The following TRAPPC6A variants were observed in gnomAD, a reference collection of about 807,000 sequenced individuals.
TRAPPC6A encodes the protein TRAPP complex subunit 6A.
TRAPPC6A carries 25 observed loss-of-function variants against 20.8 expected under a neutral mutation model. That is an observed-to-expected ratio of 1.20 (90% CI 0.88 to 1.68). The LOEUF is 1.68. TRAPPC6A is among the 40% of genes most tolerant of loss of function. The pLI is 0.00. For missense variants in TRAPPC6A, 215 were observed against 211.6 expected (o/e 1.02, Z -0.10); for synonymous variants, 96 against 93.3 (o/e 1.03, Z -0.16).
At chr19:45,165,307 T>C in intron 1 of TRAPPC6A, 113 bp from the exon 2 acceptor site, 2 of 1,035,750 alleles carry the variant, frequency 1.9e-6, no homozygotes, top group South Asian at 1.4e-5. Flanking sequence ...GCTCGTCAGT[T>C]CAGGGGTGAG....
chr19:45,169,149 C>T (rs901169306), intron 1 of TRAPPC6A, among the ~76,000 whole-genome samples: 1 of 152,168 alleles, frequency 6.6e-6, no homozygotes, highest in Non-Finnish European at 1.5e-5. Context: ...GGAAGAGACC[C>T]CTGCCCGTGG....
intron 1 of TRAPPC6A, among the ~76,000 whole-genome samples, chr19:45,167,993 C>CTTTTTT (rs968943946): frequency 4.0e-5 from 4 of 99,972 alleles, no homozygotes; most frequent in Non-Finnish European, 5.9e-5. Flanking sequence ...AAGACCCTGT[C>CTTTTTT]TTTTTTTTTT....
At chr19:45,169,041 A>T (rs1969217736) in intron 1 of TRAPPC6A, among the ~76,000 whole-genome samples, 2 of 152,160 alleles carry the variant, frequency 1.3e-5, no homozygotes, top group South Asian at 2.1e-4. Flanking sequence ...GCTTTCCTCC[A>T]GTGTCCTCAG....
chr19:45,171,479 G>A (rs1213163165), intron 1 of TRAPPC6A, among the ~76,000 whole-genome samples: 1 of 152,218 alleles, frequency 6.6e-6, no homozygotes, highest in Non-Finnish European at 1.5e-5. Flanking sequence ...TGGAAGGGAA[G>A]TCTTATCAGT....
chr19:45,164,730 C>T (rs1003676966), intron 3 of TRAPPC6A, 123 bp downstream of exon 3: 20 of 869,830 alleles, frequency 2.3e-5, no homozygotes, highest in African/African-American at 9.9e-5. Context: ...GAGCTGCGGC[C>T]GCCTGTGGGA....
At chr19:45,169,713 G>C (rs961020858) in intron 1 of TRAPPC6A, among the ~76,000 whole-genome samples, 2 of 152,214 alleles carry the variant, frequency 1.3e-5, no homozygotes, top group African/African-American at 2.4e-5. Context: ...GCCCGGGCGA[G>C]AGCTCGCTGC....
chr19:45,173,142 CAG>C lies in TRAPPC6A; in HGVS notation c.84+4991_84+4992del, dbSNP rs1256046839. On this transcript the variant is annotated intron_variant, in intron 1 of 5. Coordinates refer to ENST00000585934, the MANE Select transcript of TRAPPC6A (RefSeq NM_001270891.2). This position sits in a 1 kb window ranked among gnomAD's most constrained non-coding sequence, Gnocchi z 4.8. ...GCCTTAGCTCTTTACTACATGCACT[CAG>C]GGGAATCCTCTCTTTGCCCAAAGGC... 6.6e-6 allele frequency among the ~76,000 whole-genome samples: 1 copy of C among 151,650 alleles called. No individual in the cohort carries two copies. The highest frequency in any genetic ancestry group is 1.5e-5 in the Non-Finnish European group (1 of 68,016).
chr19:45,168,490 G>A (rs543636865), intron 1 of TRAPPC6A, among the ~76,000 whole-genome samples: 6 of 152,230 alleles, frequency 3.9e-5, no homozygotes, highest in East Asian at 1.9e-4. Context: ...CTGGGCCCAC[G>A]GAGACCCGGG....
chr19:45,168,080 G>A (rs1969196358), intron 1 of TRAPPC6A, among the ~76,000 whole-genome samples: 3 of 137,824 alleles, frequency 2.2e-5, no homozygotes, highest in African/African-American at 8.3e-5. Context: ...TCGGCTCACT[G>A]CAAGCTCCGC....
intron 1 of TRAPPC6A, among the ~76,000 whole-genome samples, chr19:45,168,594 A>G (rs1969209013): frequency 6.6e-6 from 1 of 152,218 alleles, no homozygotes; most frequent in Admixed American, 6.5e-5. Context: ...ACCACCACCC[A>G]GACAATGGTC....
chr19:45,164,597 G>A lies in TRAPPC6A; in HGVS notation c.270+256C>T, dbSNP rs969541521. On this transcript the variant is annotated intron_variant, in intron 3 of 5. Coordinates refer to ENST00000585934, the MANE Select transcript of TRAPPC6A (RefSeq NM_001270891.2). ...GCAGCATCACACTGGGGGTAGGGCA[G>A]GCAGCCACCAGGGGCTTTCTGCCCA... 3.2e-5 allele frequency: 19 copies of A among 586,894 alleles called. No homozygotes were observed. The African/African-American group carries it at 3.4e-4, about 10-fold the overall frequency. The allele number at this position is 586,894 out of a possible 1,614,324, so 36.4% of individuals were successfully genotyped here.
intron 3 of TRAPPC6A, chr19:45,164,650 G>A: frequency 1.6e-6 from 1 of 606,788 alleles, no homozygotes; most frequent in Non-Finnish European, 2.9e-6. Context: ...GTAGGCTGGA[G>A]AAGTTCCGGA....
In TRAPPC6A at chr19:45,174,258, G is replaced by A. The variant is rs372580459; in HGVS notation, c.84+3877C>T. On this transcript the variant is annotated intron_variant, in intron 1 of 5. Coordinates refer to ENST00000585934, the MANE Select transcript of TRAPPC6A (RefSeq NM_001270891.2). Reference sequence around the variant, plus strand: ...GAAGATCAAATGAAATCAAGAGTGAGAAGCCATGAGTGCACACAGGAAGCA... The same window carrying A: ...GAAGATCAAATGAAATCAAGAGTGAAAAGCCATGAGTGCACACAGGAAGCA... Among the ~76,000 whole-genome samples, 30 of 152,264 alleles carry A rather than the reference G, an allele frequency of 2.0e-4. No homozygotes were observed. The South Asian group carries it at 5.6e-3, about 28-fold the overall frequency.
At chr19:45,177,101 C>T (rs1014196444) in intron 1 of TRAPPC6A, among the ~76,000 whole-genome samples, 1 of 152,182 alleles carries the variant, frequency 6.6e-6, no homozygotes, top group Admixed American at 6.5e-5. Flanking sequence ...GGGATGATCG[C>T]TTGAGCCCAG....
At chr19:45,168,826 G>A (rs1248728113) in intron 1 of TRAPPC6A, among the ~76,000 whole-genome samples, 1 of 152,190 alleles carries the variant, frequency 6.6e-6, no homozygotes, top group Non-Finnish European at 1.5e-5. Context: ...GTCCAGATAG[G>A]AGGGTGGGTG....
At position 45,163,215 on chromosome 19, in the gene TRAPPC6A, G is replaced by T; in HGVS notation, c.457C>A (p.Gln153Lys). ...GCTTAGGATTTCGGAATCACCACCTGGAACTTACCTGGAAGAGAAGGCCTG... is the reference window on the plus strand; with the variant it reads ...GCTTAGGATTTCGGAATCACCACCTTGAACTTACCTGGAAGAGAAGGCCTG... ...SVAALPVCKF[Q>K]VVIPKS Residue 153 changes from glutamine to lysine, a missense_variant, in exon 6 of 6, where the codon CAG (glutamine) becomes AAG (lysine). Coordinates refer to ENST00000585934, the MANE Select transcript of TRAPPC6A (RefSeq NM_001270891.2). This position sits in a 1 kb window ranked among gnomAD's most constrained non-coding sequence, Gnocchi z 5.3. 1 of 1,613,920 alleles carries T rather than the reference G, an allele frequency of 6.2e-7. No homozygotes were observed. Among genetic ancestry groups the T allele is most frequent in the Non-Finnish European group, 8.5e-7 (1 of 1,179,874 alleles).
At chr19:45,167,899 G>C (rs1421476943) in intron 1 of TRAPPC6A, among the ~76,000 whole-genome samples, 2 of 152,086 alleles carry the variant, frequency 1.3e-5, no homozygotes, top group African/African-American at 4.8e-5. Flanking sequence ...TTGGGAAGCT[G>C]AGGCAGGAGG....
Position 45,166,745 on chromosome 19 carries a change from C to A in TRAPPC6A, c.85-1551G>T, listed in dbSNP as rs963525563. Reference sequence around the variant, plus strand: ...CTCTCAGGAGCCTGCAGTCACCAGGCCTGAGCCCTGCAGCCCTCCCTCTCC... The same window carrying A: ...CTCTCAGGAGCCTGCAGTCACCAGGACTGAGCCCTGCAGCCCTCCCTCTCC... On this transcript the variant is annotated intron_variant, in intron 1 of 5. Coordinates refer to ENST00000585934, the MANE Select transcript of TRAPPC6A (RefSeq NM_001270891.2). Among the ~76,000 whole-genome samples, 3 of 152,130 alleles carry A rather than the reference C, an allele frequency of 2.0e-5. No individual in the cohort carries two copies. The East Asian group carries it at 5.8e-4, about 29-fold the overall frequency.
At position 45,163,991 on chromosome 19, in the gene TRAPPC6A, C is replaced by A; in HGVS notation, c.373G>T (p.Gly125Cys). ...GTATAGAGGGCGCCGCGCAGGAGGC[C>A]GCAGGTGAAGGCCAGGAACTGAGGA... is the stretch of plus-strand genomic sequence containing the variant. ...EAPKFLAFTCGLLRGALYTLG... is the reference protein window; with the variant it reads ...EAPKFLAFTCCLLRGALYTLG... The change falls in exon 5 of 6, where the codon GGC becomes TGC. Residue 125 changes from glycine to cysteine, a missense_variant. Physicochemically the swap from Gly to Cys is radical, Grantham distance 159. Transcript: ENST00000585934. The surrounding 1 kb of genome is among the most constrained non-coding windows in gnomAD (Gnocchi z 5.3). 1 of 1,575,426 alleles carries A rather than the reference C, an allele frequency of 6.3e-7. No homozygotes were observed. The highest frequency in any genetic ancestry group is 2.3e-5 in the East Asian group (1 of 43,528).
Sources: allele counts gnomAD v4.1 joint callset (sites outside exome capture counted in the v4.1 genomes callset), GRCh38; gene constraint gnomAD v4.1.1; non-coding constraint Gnocchi (gnomAD v3.1); transcripts MANE v1.5; gene names NCBI Gene and HGNC (gene_info 2026-07-23, HGNC 2026-07-21).